SNTB1: variants seen among roughly 807,000 people sequenced by gnomAD.
SNTB1 encodes beta-1-syntrophin.
A neutral mutation model predicts 48.9 loss-of-function variants in SNTB1; 36 were observed. The observed-to-expected ratio is 0.74, with a 90% CI of 0.56 to 0.97. The LOEUF is 0.97. SNTB1 is among the 50% of genes least tolerant of loss of function. SNTB1 has a pLI of 0.00. For missense variants in SNTB1, 786 were observed against 703.4 expected, an observed-to-expected ratio of 1.12 and a Z score of -1.33; for synonymous variants, 299 against 294.6, an observed-to-expected ratio of 1.01 and a Z score of -0.15.
At chr8:120,748,994 G>C (rs1007793711) in intron 1 of SNTB1, among the ~76,000 whole-genome samples, 2 of 152,184 alleles carry the variant, frequency 1.3e-5, no homozygotes, top group East Asian at 3.8e-4. Context: ...GCAACGGGTA[G>C]TATGACACCT....
At chr8:120,715,459 A>G (rs1287277289) in intron 1 of SNTB1, among the ~76,000 whole-genome samples, 1 of 152,222 alleles carries the variant, frequency 6.6e-6, no homozygotes, top group Non-Finnish European at 1.5e-5. Flanking sequence ...TTTAGTTGAC[A>G]TCACATGAGT....
chr8:120,742,078 C>A (rs1433893834), intron 1 of SNTB1, among the ~76,000 whole-genome samples: 1 of 152,154 alleles, frequency 6.6e-6, no homozygotes, highest in Non-Finnish European at 1.5e-5. Flanking sequence ...GTAGAATACA[C>A]AGGTGAATGG....
intron 5 of SNTB1, among the ~76,000 whole-genome samples, chr8:120,543,959 A>ATT (rs5894527): frequency 0.05 from 7,182 of 144,654 alleles, 313 homozygotes; most frequent in African/African-American, 0.11. Context: ...TGACCCCTCC[A>ATT]TTTTTTTTTT....
At chr8:120,602,661 C>T (rs1350848049) in intron 3 of SNTB1, among the ~76,000 whole-genome samples, 2 of 152,174 alleles carry the variant, frequency 1.3e-5, no homozygotes, top group Non-Finnish European at 2.9e-5. Flanking sequence ...CTCCATCTTA[C>T]ACACACATCC....
chr8:120,594,081 T>A (rs546905010), intron 3 of SNTB1, among the ~76,000 whole-genome samples: 1 of 137,344 alleles, frequency 7.3e-6, no homozygotes, highest in Non-Finnish European at 1.6e-5. Context: ...TTATTTATTT[T>A]GAGACAGGGT....
At chr8:120,595,141 C>A (rs1201308251) in intron 3 of SNTB1, among the ~76,000 whole-genome samples, 1 of 152,014 alleles carries the variant, frequency 6.6e-6, no homozygotes, top group East Asian at 1.9e-4. Context: ...CTGCGGTGGA[C>A]TTGTCAGAGC....
chr8:120,663,934 T>G (rs750778079), intron 2 of SNTB1, among the ~76,000 whole-genome samples: 2 of 152,156 alleles, frequency 1.3e-5, no homozygotes, highest in Non-Finnish European at 2.9e-5. Context: ...TGCTTGTATA[T>G]TTAGGAAATT....
chr8:120,713,354 T>C (rs1038235061), intron 1 of SNTB1, among the ~76,000 whole-genome samples: 1 of 152,232 alleles, frequency 6.6e-6, no homozygotes, highest in Admixed American at 6.5e-5. Flanking sequence ...ATTACCCTCA[T>C]GCACCTTTTC....
At chr8:120,681,854 G>C (rs1380843052) in intron 2 of SNTB1, among the ~76,000 whole-genome samples, 1 of 151,812 alleles carries the variant, frequency 6.6e-6, no homozygotes, top group African/African-American at 2.4e-5. Flanking sequence ...CCAGACATTT[G>C]AGAAAACCTC....
intron 4 of SNTB1, among the ~76,000 whole-genome samples, chr8:120,564,379 C>T (rs1369000651): frequency 6.6e-6 from 1 of 152,068 alleles, no homozygotes; most frequent in African/African-American, 2.4e-5. Flanking sequence ...GCAGCCGTCC[C>T]AGGAAGATGG....
intron 1 of SNTB1, among the ~76,000 whole-genome samples, chr8:120,785,211 TGA>T: frequency 6.6e-6 from 1 of 152,252 alleles, no homozygotes; most frequent in East Asian, 1.9e-4. Context: ...CCAGAACCAT[TGA>T]GAGAGCAGGA....
chr8:120,755,499 A>G lies in SNTB1; in HGVS notation c.571+55774T>C, dbSNP rs143989394. On this transcript the variant is annotated intron_variant, in intron 1 of 6. Coordinates refer to ENST00000517992, the MANE Select transcript of SNTB1 (RefSeq NM_021021.4). ...GTAGACAGGTCCATCTGGGACCACA[A>G]ACTAAATATTTATGTGAAGTACATT... 2.6e-4 allele frequency among the ~76,000 whole-genome samples: 39 copies of G among 152,216 alleles called. No homozygotes were observed. The East Asian group carries it at 6.8e-3, about 26-fold the overall frequency.
chr8:120,732,107 T>A (rs1229985689), intron 1 of SNTB1, among the ~76,000 whole-genome samples: 1 of 152,212 alleles, frequency 6.6e-6, no homozygotes, highest in African/African-American at 2.4e-5. Context: ...AAGAGCTTTA[T>A]GACTGACACT....
At chr8:120,729,953 G>A (rs59248881) in intron 1 of SNTB1, among the ~76,000 whole-genome samples, 10,865 of 152,202 alleles carry the variant, frequency 0.071, 525 homozygotes, top group East Asian at 0.17. Flanking sequence ...TGTGGCATCA[G>A]GTCAACTGCA....
intron 2 of SNTB1, among the ~76,000 whole-genome samples, chr8:120,691,378 T>C (rs1436882118): frequency 6.6e-6 from 1 of 152,224 alleles, no homozygotes; most frequent in Non-Finnish European, 1.5e-5. Context: ...AACAGCTATA[T>C]AATGTTGAGA....
At chr8:120,664,143 G>C (rs1817637288) in intron 2 of SNTB1, among the ~76,000 whole-genome samples, 1 of 152,174 alleles carries the variant, frequency 6.6e-6, no homozygotes, top group African/African-American at 2.4e-5. Context: ...TACAAGGAAG[G>C]AAAGCCATGA....
rs1425225722 is a variant in SNTB1 at position 120,694,317 on chromosome 8, A to AT, written c.572-410dup. Among the ~76,000 whole-genome samples the AT allele has an allele frequency of 2.0e-5, 3 of 152,144 alleles. No homozygotes were observed. In the East Asian group the frequency reaches 5.8e-4, roughly 29 times the overall value. The stretch of plus-strand genomic sequence containing the variant: ...AGCCACATTCATTACACAGGATGCC[A>AT]TTTTTCTGTTGAGAAACAATCATAG... On this transcript the variant is annotated intron_variant, in intron 1 of 6. Coordinates refer to ENST00000517992, the MANE Select transcript of SNTB1 (RefSeq NM_021021.4).
intron 1 of SNTB1, among the ~76,000 whole-genome samples, chr8:120,717,648 T>C (rs1162039032): frequency 6.6e-6 from 1 of 152,168 alleles, no homozygotes; most frequent in African/African-American, 2.4e-5. Context: ...TTGATTTGTA[T>C]TGACAGCTTC....
intron 3 of SNTB1, among the ~76,000 whole-genome samples, chr8:120,590,348 TTCTG>T (rs1816219250): frequency 6.6e-6 from 1 of 152,366 alleles, no homozygotes; most frequent in Admixed American, 6.5e-5. Flanking sequence ...GGCTTCTTTC[TTCTG>T]TCTTTCAATT....
Sources: gnomAD v4.1 joint callset for allele counts (sites outside exome capture counted in the v4.1 genomes callset) on GRCh38, gnomAD v4.1.1 for gene constraint, MANE v1.5 for transcripts, NCBI Gene and HGNC (gene_info 2026-07-23, HGNC 2026-07-21) for gene names.